The following CALU variants were observed in gnomAD, a reference collection of about 807,000 sequenced individuals.
CALU encodes IEF SSP 9302.
A neutral mutation model predicts 37.5 loss-of-function variants in CALU; 13 were observed. That is an observed-to-expected ratio of 0.35 (90% CI 0.23 to 0.55). The LOEUF is 0.55. CALU is among the 20% of genes least tolerant of loss of function. The probability of loss-of-function intolerance (pLI) is 0.89; values close to 1 mark genes in which losing one functional copy is unlikely to be tolerated. For missense variants in CALU, 282 were observed against 391.7 expected (o/e 0.72, Z 2.36); for synonymous variants, 114 against 133.8 (o/e 0.85, Z 1.02).
intron 1 of CALU, among the ~76,000 whole-genome samples, chr7:128,746,004 T>C (rs1800417304): frequency 6.6e-6 from 1 of 152,222 alleles, no homozygotes; most frequent in South Asian, 2.1e-4. Context: ...TTATATTTTA[T>C]ACAAATAAAA....
intron 2 of CALU, among the ~76,000 whole-genome samples, chr7:128,752,767 C>T (rs976466950): frequency 6.6e-6 from 1 of 152,162 alleles, no homozygotes; most frequent in South Asian, 2.1e-4. Context: ...TCATTGCAAC[C>T]GCCGCCTCCC....
intron 2 of CALU, among the ~76,000 whole-genome samples, chr7:128,750,945 T>A (rs1800649359): frequency 6.6e-6 from 1 of 152,236 alleles, no homozygotes; most frequent in Admixed American, 6.5e-5. Context: ...TAGGCGATTT[T>A]ATGTATCCTT....
intron 5 of CALU, among the ~76,000 whole-genome samples, chr7:128,761,081 C>T (rs967060211): frequency 1.3e-5 from 2 of 152,144 alleles, no homozygotes; most frequent in Non-Finnish European, 2.9e-5. Context: ...CTCTGATTCT[C>T]TGACTACTTT....
intron 5 of CALU, among the ~76,000 whole-genome samples, chr7:128,764,238 G>C (rs933069673): frequency 6.6e-6 from 1 of 151,730 alleles, no homozygotes; most frequent in Admixed American, 6.6e-5. Context: ...GAACAACCTG[G>C]ACAACATGGC....
At chr7:128,743,719 C>A (rs1323051565) in intron 1 of CALU, among the ~76,000 whole-genome samples, 1 of 151,930 alleles carries the variant, frequency 6.6e-6, no homozygotes, top group Non-Finnish European at 1.5e-5. Flanking sequence ...ATGGGATTGC[C>A]TAGGCTGGTC....
intron 2 of CALU, among the ~76,000 whole-genome samples, chr7:128,752,734 G>A (rs1348037273): frequency 6.6e-6 from 1 of 152,210 alleles, no homozygotes; most frequent in East Asian, 1.9e-4. Flanking sequence ...ACCTGGGCTG[G>A]AGTGCAGTGG....
At chr7:128,743,521 TTTTTCTTTTTC>T (rs750784199) in intron 1 of CALU, among the ~76,000 whole-genome samples, 5 of 151,992 alleles carry the variant, frequency 3.3e-5, no homozygotes, top group Non-Finnish European at 7.4e-5. Flanking sequence ...TAAACTTTTT[TTTTTCTTTTTC>T]TTTTTTTGAG....
chr7:128,753,377 G>T (rs984771481), intron 2 of CALU, among the ~76,000 whole-genome samples: 11 of 152,194 alleles, frequency 7.2e-5, no homozygotes, highest in African/African-American at 2.4e-4. Flanking sequence ...CTATAGTTAA[G>T]TGATTGCACC....
intron 5 of CALU, among the ~76,000 whole-genome samples, chr7:128,767,128 A>G (rs1381758291): frequency 6.6e-6 from 1 of 152,108 alleles, no homozygotes. Flanking sequence ...TTAATTAGCT[A>G]CCTTAGGGTG....
intron 3 of CALU, 140 bp downstream of exon 3, chr7:128,754,595 G>A: frequency 1.3e-6 from 2 of 1,552,044 alleles, no homozygotes; most frequent in East Asian, 2.4e-5. Context: ...TGAAATCCTG[G>A]ATTAAGCACG....
Position 128,757,169 on chromosome 7 carries a change from AT to A in CALU, c.416-1697del, listed in dbSNP as rs144134578. Among the ~76,000 whole-genome samples, 72 of 152,114 alleles carry A rather than the reference AT, an allele frequency of 4.7e-4. 1 individual carries two copies. The East Asian group carries it at 0.012, about 26-fold the overall frequency. On this transcript the variant is annotated intron_variant, in intron 3 of 6. Coordinates refer to ENST00000249364, the MANE Select transcript of CALU (RefSeq NM_001219.5). ...ATTAGGCTATTTGAGTCCAGTCACC[AT>A]TTTTACCTTTTACCCCAAGGAGGGG...
intron 5 of CALU, among the ~76,000 whole-genome samples, chr7:128,764,519 T>C (rs1019829022): frequency 3.3e-5 from 5 of 152,214 alleles, no homozygotes; most frequent in African/African-American, 1.2e-4. Context: ...CAAGATACCA[T>C]AGCAACTTCT....
At chr7:128,754,816 T>C (rs1800810657) in intron 3 of CALU, 1 of 668,144 alleles carries the variant, frequency 1.5e-6, no homozygotes, top group African/African-American at 1.8e-5. Context: ...TTATCTTAAA[T>C]AGTTCAATTC....
At chr7:128,753,534 C>T (rs1191254898) in intron 2 of CALU, among the ~76,000 whole-genome samples, 1 of 152,236 alleles carries the variant, frequency 6.6e-6, no homozygotes, top group Non-Finnish European at 1.5e-5. Context: ...ACCCTTTCAG[C>T]TTATTAACAT....
intron 2 of CALU, among the ~76,000 whole-genome samples, chr7:128,751,994 A>G (rs891474615): frequency 6.6e-6 from 1 of 152,240 alleles, no homozygotes; most frequent in African/African-American, 2.4e-5. Context: ...CATTAGCTTC[A>G]TAAATTTACA....
intron 1 of CALU, among the ~76,000 whole-genome samples, chr7:128,739,918 A>C (rs964120197): frequency 6.6e-6 from 1 of 152,054 alleles, no homozygotes; most frequent in Non-Finnish European, 1.5e-5. Flanking sequence ...GGTCGTGTTC[A>C]CTCACCTAAA....
At chr7:128,753,685 T>A (rs997680307) in intron 2 of CALU, among the ~76,000 whole-genome samples, 4 of 152,256 alleles carry the variant, frequency 2.6e-5, no homozygotes, top group African/African-American at 9.6e-5. Context: ...ATCTGTTTTT[T>A]AAAAATAATC....
intron 1 of CALU, among the ~76,000 whole-genome samples, chr7:128,742,617 T>C (rs561024144): frequency 2.7e-4 from 41 of 152,212 alleles, no homozygotes; most frequent in Non-Finnish European, 5.4e-4. Flanking sequence ...ATGGATACAC[T>C]ATGGACACTA....
chr7:128,761,332 A>G (rs756916912), intron 5 of CALU: 3 of 152,138 alleles, frequency 2.0e-5, no homozygotes, highest in African/African-American at 4.8e-5. Context: ...TAAAATGAGT[A>G]AAGGAGCTGG....
Sources: allele counts gnomAD v4.1 joint callset (sites outside exome capture counted in the v4.1 genomes callset), GRCh38; gene constraint gnomAD v4.1.1; transcripts MANE v1.5; gene names NCBI Gene and HGNC (gene_info 2026-07-23, HGNC 2026-07-21).